Variants in ASCC3 observed in about 807,000 individuals in gnomAD.
ASCC3 encodes ASC-1 complex subunit P200.
Under a neutral mutation model 256.3 loss-of-function variants are expected in ASCC3, and 158 were observed. That is an observed-to-expected ratio of 0.62 (90% CI 0.54 to 0.70). ASCC3 has a LOEUF of 0.70. Ranked by LOEUF, ASCC3 falls within the 30% of genes least tolerant of loss-of-function variation. ASCC3 has a pLI of 0.00. For missense variants in ASCC3, 2,259 were observed against 2,626.0 expected, an observed-to-expected ratio of 0.86 and a Z score of 3.05; for synonymous variants, 948 against 883.4, an observed-to-expected ratio of 1.07 and a Z score of -1.30.
At chr6:100,804,311 T>C (rs73506904) in intron 5 of ASCC3, among the ~76,000 whole-genome samples, 137 of 152,230 alleles carry the variant, frequency 9.0e-4, no homozygotes, top group African/African-American at 3.2e-3. Flanking sequence ...TAAACAGTGA[T>C]CATTGTATTA....
In ASCC3 at chr6:100,646,693, T is replaced by C; in HGVS notation, c.3555A>G (p.Glu1185=). ...CVHQIPSVMM[E]ASIQPITRTV... The stretch of plus-strand genomic sequence containing the variant: ...TCCTTGTGATAGGCTGAATGGATGC[T>C]TCCATCATAACAGAAGGAATCTGAT... Residue 1185 remains glutamate (E), a synonymous_variant, in exon 22 of 42, where the codon GAA becomes GAG. Transcript: ENST00000369162. The C allele has an allele frequency of 6.2e-7, 1 of 1,613,642 alleles. No individual in the cohort carries two copies. Among genetic ancestry groups the C allele is most frequent in the East Asian group, 2.2e-5 (1 of 44,846 alleles).
chr6:100,820,343 G>A (rs1770975702), intron 4 of ASCC3, among the ~76,000 whole-genome samples: 1 of 152,070 alleles, frequency 6.6e-6, no homozygotes, highest in African/African-American at 2.4e-5. Flanking sequence ...AAGCATCTAT[G>A]GTCAACCAAT....
At chr6:100,854,584 T>C (rs978300139) in intron 3 of ASCC3, among the ~76,000 whole-genome samples, 1 of 152,160 alleles carries the variant, frequency 6.6e-6, no homozygotes, top group African/African-American at 2.4e-5. Flanking sequence ...TTCAAGGCAT[T>C]TCCCTATGTT....
chr6:100,755,346 T>A (rs2115102730), intron 10 of ASCC3, among the ~76,000 whole-genome samples: 1 of 149,640 alleles, frequency 6.7e-6, no homozygotes, highest in African/African-American at 2.4e-5. Context: ...ATATATATAT[T>A]TTCCCCCAAT....
At chr6:100,532,235 C>A (rs1192019314) in intron 37 of ASCC3, among the ~76,000 whole-genome samples, 1 of 150,848 alleles carries the variant, frequency 6.6e-6, no homozygotes, top group Non-Finnish European at 1.5e-5. Context: ...TTCAAACAAG[C>A]ATACACGATG....
intron 37 of ASCC3, among the ~76,000 whole-genome samples, chr6:100,535,608 A>C (rs1269817375): frequency 6.6e-6 from 1 of 151,458 alleles, no homozygotes; most frequent in East Asian, 2.0e-4. Flanking sequence ...AGCTGGGATT[A>C]CAGGCGCCCA....
chr6:100,688,552 TG>T (rs1348705140), intron 13 of ASCC3, among the ~76,000 whole-genome samples: 1 of 152,224 alleles, frequency 6.6e-6, no homozygotes, highest in Non-Finnish European at 1.5e-5. Context: ...TAGTTTTTCC[TG>T]GCTGCTTCCA....
chr6:100,661,999 G>C lies in ASCC3; in HGVS notation c.2510C>G (p.Ser837Cys). Residue 837 changes from serine (S) to cysteine (C), a missense_variant, in exon 16 of 42, where the codon TCC (serine) becomes TGC (cysteine). Around this residue, in one of 2 missense-constraint regions of ASCC3, gnomAD observed 1,839 missense variants for 2,206.7 expected, o/e 0.83. Coordinates refer to ENST00000369162, the MANE Select transcript of ASCC3 (RefSeq NM_006828.4). ...GTQIYAAKRG[S>C]FVDLGILDVM... ...ATCTAAAATTCCAAGGTCAACAAAG[G>C]AGCCTCTTTTTGCAGCATATATTTG... The C allele has an allele frequency of 6.2e-7, 1 of 1,613,144 alleles. No individual in the cohort carries two copies. The highest frequency in any genetic ancestry group is 1.3e-5 in the African/African-American group (1 of 74,944).
chr6:100,725,307 A>T (rs1779570154), intron 11 of ASCC3, among the ~76,000 whole-genome samples: 1 of 152,008 alleles, frequency 6.6e-6, no homozygotes, highest in South Asian at 2.1e-4. Flanking sequence ...AACAGAAAAT[A>T]TCTTAAGACT....
At chr6:100,750,520 C>T (rs1176107748) in intron 10 of ASCC3, among the ~76,000 whole-genome samples, 1 of 144,194 alleles carries the variant, frequency 6.9e-6, no homozygotes, top group Non-Finnish European at 1.5e-5. Flanking sequence ...TAGCTACATA[C>T]CAACATTTGT....
rs1432983585 is a variant in ASCC3, at chr6:100,661,717, A to G, written c.2703+89T>C. On this transcript the variant is annotated intron_variant, in intron 16 of 41. Transcript: ENST00000369162. The stretch of plus-strand genomic sequence containing the variant: ...GGCATAGGCTGTAATCCTAAACACT[A>G]CAAAACAGCAACCAACTCAATCTTC... The G allele has an allele frequency of 2.9e-6, 4 of 1,377,462 alleles. No homozygotes were observed. In the Admixed American group the frequency reaches 6.8e-5, roughly 23 times the overall value. The allele number at this position is 1,377,462 out of a possible 1,614,324, so 85.3% of individuals were successfully genotyped here.
At chr6:100,752,844 GTC>G (rs1310747903) in intron 10 of ASCC3, among the ~76,000 whole-genome samples, 1 of 152,072 alleles carries the variant, frequency 6.6e-6, no homozygotes, top group African/African-American at 2.4e-5. Context: ...TAAATGGAAT[GTC>G]TCTCAAATGT....
At chr6:100,703,521 C>T (rs1778439590) in intron 13 of ASCC3, among the ~76,000 whole-genome samples, 1 of 151,944 alleles carries the variant, frequency 6.6e-6, no homozygotes. Context: ...GACAAGATTA[C>T]TCTAGCAGCT....
In ASCC3 at chr6:100,517,559, C is replaced by T. The variant is rs554111180; in HGVS notation, c.5927+432G>A. Among the ~76,000 whole-genome samples, 193 of 152,188 alleles carry T rather than the reference C, an allele frequency of 1.3e-3. 1 individual carries two copies. Among genetic ancestry groups the T allele is most frequent in the Middle Eastern group, 3.4e-3 (1 of 294 alleles). On this transcript the variant is annotated intron_variant, in intron 38 of 41. Transcript: ENST00000369162. Reference sequence around the variant, plus strand: ...TTGAGCTCCTAATATGTATAACCACCTAGTTTGGGACATTTTGCAGATGCA... The same window carrying T: ...TTGAGCTCCTAATATGTATAACCACTTAGTTTGGGACATTTTGCAGATGCA...
intron 16 of ASCC3, among the ~76,000 whole-genome samples, chr6:100,658,172 C>A (rs2114924935): frequency 6.6e-6 from 1 of 151,546 alleles, no homozygotes; most frequent in East Asian, 1.9e-4. Context: ...GCACATAATA[C>A]CTATTCAAAA....
intron 14 of ASCC3, among the ~76,000 whole-genome samples, chr6:100,670,023 A>G (rs412177): frequency 0.073 from 11,139 of 151,974 alleles, 606 homozygotes; most frequent in African/African-American, 0.15. Context: ...AATCATAAAC[A>G]AAAATAAACA....
intron 37 of ASCC3, among the ~76,000 whole-genome samples, chr6:100,533,108 G>GT (rs1306191751): frequency 2.0e-5 from 3 of 149,420 alleles, no homozygotes; most frequent in Admixed American, 6.6e-5. Flanking sequence ...TTTTTGTTTT[G>GT]TTTTTTTGTT....
intron 37 of ASCC3, among the ~76,000 whole-genome samples, chr6:100,539,595 A>G (rs1775340818): frequency 1.3e-5 from 2 of 152,090 alleles, no homozygotes; most frequent in African/African-American, 4.8e-5. Flanking sequence ...GTAACTTCCT[A>G]CATGCAAACT....
At chr6:100,786,764 A>C (rs1254852453) in intron 8 of ASCC3, among the ~76,000 whole-genome samples, 1 of 152,140 alleles carries the variant, frequency 6.6e-6, no homozygotes, top group Non-Finnish European at 1.5e-5. Flanking sequence ...GACTGTTTGT[A>C]ATACCAATTA....
Sources: gnomAD v4.1 joint callset for allele counts (sites outside exome capture counted in the v4.1 genomes callset) on GRCh38, gnomAD v4.1.1 for gene constraint, gnomAD v4.1.1 regional missense constraint, MANE v1.5 for transcripts, NCBI Gene and HGNC (gene_info 2026-07-23, HGNC 2026-07-21) for gene names.